The following ZNF358 variants were observed in gnomAD, a reference collection of about 807,000 sequenced individuals.
The protein encoded by ZNF358 is zinc finger protein 358.
In ZNF358, 1 loss-of-function variant was observed where a neutral mutation model predicts 2.1. That is an observed-to-expected ratio of 0.49 (90% CI 0.17 to 2.30). The LOEUF (loss-of-function observed/expected upper bound fraction) is 2.30. ZNF358 is among the 30% of genes most tolerant of loss of function. ZNF358 has a pLI of 0.26. For missense variants in ZNF358, 665 were observed against 806.8 expected (o/e 0.82, Z 2.13); for synonymous variants, 381 against 359.7 (o/e 1.06, Z -0.67).
chr19:7,519,786 C>G lies in ZNF358; in HGVS notation c.544C>G (p.Pro182Ala), dbSNP rs750409457. 7 of 1,532,586 alleles carry G rather than the reference C, an allele frequency of 4.6e-6. No homozygotes were observed. Among genetic ancestry groups the G allele is most frequent in the South Asian group, 2.4e-5 (2 of 84,388 alleles). The allele number at this position is 1,532,586 out of a possible 1,614,324, so 94.9% of individuals were successfully genotyped here. Residue 182 changes from proline (P) to alanine (A), a missense_variant, in exon 2 of 2, where the codon CCC (proline) becomes GCC (alanine). By Grantham distance (27) the Pro-to-Ala change is conservative. Around this residue, in one of 3 missense-constraint regions of ZNF358, gnomAD observed 210 missense variants for 350.8 expected, o/e 0.60. Transcript: ENST00000597229. The part of the protein sequence containing the change: ...THSGEKPYRC[P>A]DCGKSFSHGA... Reference sequence around the variant, plus strand: ...CAGCGGCGAGAAGCCGTACCGCTGCCCCGACTGCGGGAAGTCCTTCAGCCA... The same window carrying G: ...CAGCGGCGAGAAGCCGTACCGCTGCGCCGACTGCGGGAAGTCCTTCAGCCA...
At chr19:7,515,312 C>CGAG (rs143499116), upstream of ZNF358, 2,620 of 152,272 alleles carry the variant, frequency 0.017, 26 homozygotes, top group Non-Finnish European at 0.024. Context: ...AAGTTTGCCC[C>CGAG]GAGCCCTTCC....
At position 7,520,461 on chromosome 19, in the gene ZNF358, G is replaced by GC. The variant is rs545053049; in HGVS notation, c.1220dup (p.Ala408GlyfsTer34). ...GGGTGCAGCCGCTGCTGCAGCTGCC[G>GC]CGGCCGCTGCAGCTGCAGCAGCGGC... is the stretch of plus-strand genomic sequence containing the variant. On this transcript the variant is annotated frameshift_variant, in exon 2 of 2. Coordinates refer to ENST00000597229, the MANE Select transcript of ZNF358 (RefSeq NM_018083.5). LOFTEE classifies it low-confidence loss of function (END_TRUNC). This position sits in a 1 kb window ranked among gnomAD's most constrained non-coding sequence, Gnocchi z 6.0. 1 of 1,449,026 alleles carries GC rather than the reference G, an allele frequency of 6.9e-7. No homozygotes were observed. The highest frequency in any genetic ancestry group is 9.1e-7 in the Non-Finnish European group (1 of 1,096,446). The allele number at this position is 1,449,026 out of a possible 1,614,324, so 89.8% of individuals were successfully genotyped here. A position where few individuals can be genotyped will look rare whatever the true frequency, so the allele number is the denominator to read the frequency against.
At chr19:7,517,807 G>C (rs1410842918) in intron 1 of ZNF358, among the ~76,000 whole-genome samples, 2 of 152,226 alleles carry the variant, frequency 1.3e-5, no homozygotes, top group Non-Finnish European at 2.9e-5. Flanking sequence ...GGGCAAGCCA[G>C]AGTCTTCTTG....
At position 7,520,320 on chromosome 19, in the gene ZNF358, T is replaced by C; in HGVS notation, c.1078T>C (p.Ser360Pro). 1 of 1,611,892 alleles carries C rather than the reference T, an allele frequency of 6.2e-7. No homozygotes were observed. The highest frequency in any genetic ancestry group is 8.5e-7 in the Non-Finnish European group (1 of 1,179,698). ...PHCSKAFGQS[S>P]ALLQHLHVHS... ...CTGCTCCAAGGCCTTCGGCCAGAGC[T>C]CAGCGCTGCTCCAGCACCTGCACGT... The change falls in exon 2 of 2, where the codon TCA (serine) becomes CCA (proline). Residue 360 changes from serine to proline, a missense_variant. Ser to Pro is a moderately conservative substitution (Grantham distance 74). Transcript: ENST00000597229. The surrounding 1 kb of genome is among the most constrained non-coding windows in gnomAD (Gnocchi z 6.0).
intron 1 of ZNF358, among the ~76,000 whole-genome samples, chr19:7,517,505 A>G (rs1232362941): frequency 6.6e-6 from 1 of 152,106 alleles, no homozygotes; most frequent in African/African-American, 2.4e-5. Context: ...TGGGAGGATC[A>G]TTTGAGCCCA....
At chr19:7,516,036 G>C (rs1367707017), upstream of ZNF358, 1 of 150,098 alleles carries the variant, frequency 6.7e-6, no homozygotes, top group Non-Finnish European at 1.5e-5. This position sits in a 1 kb window ranked among gnomAD's most constrained non-coding sequence, Gnocchi z 5.9. Context: ...GGCAGCGATG[G>C]CGACGGCCGC....
intron 1 of ZNF358, 139 bp from the exon 2 acceptor site, chr19:7,519,063 TCAA>T: frequency 3.0e-4 from 208 of 684,440 alleles, no homozygotes; most frequent in Middle Eastern, 4.3e-4. Context: ...AGACCCCATC[TCAA>T]AAAAAAAAAA....
Position 7,520,782 on chromosome 19 carries a change from C to T in ZNF358, c.1540C>T (p.Pro514Ser). The T allele has an allele frequency of 3.7e-6, 6 of 1,611,614 alleles. No homozygotes were observed. The highest frequency in any genetic ancestry group is 4.2e-6 in the Non-Finnish European group (5 of 1,179,926). ...PDLVPSPDLDPVPSPDPDPVP... is the reference protein window; with the variant it reads ...PDLVPSPDLDSVPSPDPDPVP... The stretch of plus-strand genomic sequence containing the variant: ...CCTTGTGCCCAGCCCAGACCTTGAT[C>T]CTGTGCCCAGCCCAGACCCTGATCC... Residue 514 changes from proline (P) to serine (S), a missense_variant, in exon 2 of 2, where the codon CCT becomes TCT. Transcript: ENST00000597229. This position sits in a 1 kb window ranked among gnomAD's most constrained non-coding sequence, Gnocchi z 6.0.
Position 7,519,658 on chromosome 19 carries a change from CG to C in ZNF358, c.418del (p.Val140CysfsTer27). On this transcript the variant is annotated frameshift_variant, in exon 2 of 2. Transcript: ENST00000597229. LOFTEE classifies it low-confidence loss of function (END_TRUNC). ...ATPQVLATSPAVLPAPASPPR... is the reference protein window; with the variant it reads ...ATPQVLATSPXVLPAPASPPR... ...CCCCAGGTCTTGGCCACCAGCCCCG[CG>C]GTGCTCCCCGCCCCCGCCAGCCCGC... 1 of 1,579,442 alleles carries C rather than the reference CG, an allele frequency of 6.3e-7. No individual in the cohort carries two copies. The highest frequency in any genetic ancestry group is 1.1e-5 in the South Asian group (1 of 88,428).
rs2022352464 is a variant in ZNF358 at position 7,516,999 on chromosome 19, G to A, written c.-39+750G>A. Among the ~76,000 whole-genome samples, 1 of 152,134 alleles carries A rather than the reference G, an allele frequency of 6.6e-6. No individual in the cohort carries two copies. Among genetic ancestry groups the A allele is most frequent in the South Asian group, 2.1e-4 (1 of 4,830 alleles). ...GACCGCCGTCCAGGAACTCGGCTCT[G>A]TTTGCCTGCACACTCCCAGCTATGG... On this transcript the variant is annotated intron_variant, in intron 1 of 1. Transcript: ENST00000597229. The surrounding 1 kb of genome is among the most constrained non-coding windows in gnomAD (Gnocchi z 5.9).
chr19:7,516,288 G>T lies in ZNF358; in HGVS notation c.-39+39G>T, dbSNP rs1254106549. 1 of 138,936 alleles carries T rather than the reference G, an allele frequency of 7.2e-6. No individual in the cohort carries two copies. Among genetic ancestry groups the T allele is most frequent in the Non-Finnish European group, 1.6e-5 (1 of 62,350 alleles). The allele number at this position is 138,936 out of a possible 1,614,324, so 8.6% of individuals were successfully genotyped here. A position where few individuals can be genotyped will look rare whatever the true frequency, so the allele number is the denominator to read the frequency against. On this transcript the variant is annotated intron_variant, in intron 1 of 1. Coordinates refer to ENST00000597229, the MANE Select transcript of ZNF358 (RefSeq NM_018083.5). The surrounding 1 kb of genome is among the most constrained non-coding windows in gnomAD (Gnocchi z 5.9). ...CGAGCGGGCTGGGGCCGGGGCGGGG[G>T]GCTGGGTGGGGGGCGGGCGGGCGGG...
At position 7,520,988 on chromosome 19, in the gene ZNF358, G is replaced by A. The variant is rs1276640153; in HGVS notation, c.*39G>A. The stretch of plus-strand genomic sequence containing the variant: ...ATCCTCGGGGGCCTGGGGAAGTTGT[G>A]TGTTGTGCAGTCAGTAAAATCCTCC... On this transcript the variant is annotated 3_prime_UTR_variant, in exon 2 of 2. Transcript: ENST00000597229. The surrounding 1 kb of genome is among the most constrained non-coding windows in gnomAD (Gnocchi z 6.0). 7.5e-6 allele frequency: 12 copies of A among 1,591,374 alleles called. No homozygotes were observed. Among genetic ancestry groups the A allele is most frequent in the Non-Finnish European group, 8.6e-6 (10 of 1,167,064 alleles).
At chr19:7,518,752 C>G (rs1256110846) in intron 1 of ZNF358, among the ~76,000 whole-genome samples, 2 of 151,726 alleles carry the variant, frequency 1.3e-5, no homozygotes, top group Non-Finnish European at 2.9e-5. Flanking sequence ...GAGTGAGACC[C>G]CATCTCAAAA....
Position 7,520,461 on chromosome 19 carries a change from G to T in ZNF358, c.1219G>T (p.Ala407Ser), listed in dbSNP as rs777524653. Residue 407 changes from alanine (A) to serine (S), a missense_variant, in exon 2 of 2, where the codon GCG becomes TCG. Around this residue, in one of 3 missense-constraint regions of ZNF358, gnomAD observed 249 missense variants for 227.6 expected, o/e 1.09. Transcript: ENST00000597229. The surrounding 1 kb of genome is among the most constrained non-coding windows in gnomAD (Gnocchi z 6.0). ...GGGTGCAGCCGCTGCTGCAGCTGCC[G>T]CGGCCGCTGCAGCTGCAGCAGCGGC... ...HEGAAAAAAA[A>S]AAAAAAAAAG... 2 of 1,448,918 alleles carry T rather than the reference G, an allele frequency of 1.4e-6. No individual in the cohort carries two copies. Among genetic ancestry groups the T allele is most frequent in the Non-Finnish European group, 9.1e-7 (1 of 1,096,454 alleles). 89.8% of individuals were successfully genotyped at this position (1,448,918 alleles called of 1,614,324 possible).
At position 7,520,214 on chromosome 19, in the gene ZNF358, C is replaced by T. The variant is rs1421255264; in HGVS notation, c.972C>T (p.Cys324=). Residue 324 remains cysteine, a synonymous_variant, in exon 2 of 2, where the codon TGC becomes TGT. Coordinates refer to ENST00000597229, the MANE Select transcript of ZNF358 (RefSeq NM_018083.5). This position sits in a 1 kb window ranked among gnomAD's most constrained non-coding sequence, Gnocchi z 6.0. ...AGCGCCCCTACCGCTGCCCCCACTG[C>T]GGCAAAGCCTTCGGGCAGAGCTCCA... is the stretch of plus-strand genomic sequence containing the variant. The part of the protein sequence containing the change: ...TAERPYRCPH[C]GKAFGQSSNL... 6.2e-7 allele frequency: 1 copy of T among 1,604,504 alleles called. No individual in the cohort carries two copies. The highest frequency in any genetic ancestry group is 8.5e-7 in the Non-Finnish European group (1 of 1,179,152).
intron 1 of ZNF358, among the ~76,000 whole-genome samples, chr19:7,518,535 G>C (rs1437093283): frequency 1.0e-5 from 1 of 96,270 alleles, no homozygotes; most frequent in Non-Finnish European, 2.0e-5. Context: ...AGGAAGGAAA[G>C]AAAGAAAGAA....
chr19:7,519,233 C>G lies in ZNF358; in HGVS notation c.-10C>G, dbSNP rs138655005. ...TTGCCCCAGAAGCTGCGGGCACATC[C>G]ACGCCTGAAATGCGGCGCTCAGTCC... is the stretch of plus-strand genomic sequence containing the variant. On this transcript the variant is annotated 5_prime_UTR_variant, in exon 2 of 2. Coordinates refer to ENST00000597229, the MANE Select transcript of ZNF358 (RefSeq NM_018083.5). 7,517 of 1,610,518 alleles carry G rather than the reference C, an allele frequency of 4.7e-3. 33 individuals carry two copies. The highest frequency in any genetic ancestry group is 5.6e-3 in the Non-Finnish European group (6,554 of 1,178,262).
intron 1 of ZNF358, among the ~76,000 whole-genome samples, chr19:7,518,596 A>AG (rs1157729805): frequency 6.6e-6 from 1 of 150,704 alleles, no homozygotes; most frequent in Non-Finnish European, 1.5e-5. Context: ...AGAAAGAAAG[A>AG]AAGAATTGAA....
At chr19:7,518,590 A>AGAAAGAAAGAAAGAAAGAAG (rs2022392373) in intron 1 of ZNF358, among the ~76,000 whole-genome samples, 2 of 150,192 alleles carry the variant, frequency 1.3e-5, no homozygotes, top group South Asian at 2.1e-4. Flanking sequence ...AAAGAAAGAA[A>AGAAAGAAAGAAAGAAAGAAG]GAAAGAAAGA....
Sources: allele counts gnomAD v4.1 joint callset (sites outside exome capture counted in the v4.1 genomes callset), GRCh38; gene constraint gnomAD v4.1.1; regional missense constraint gnomAD v4.1.1; non-coding constraint Gnocchi (gnomAD v3.1); transcripts MANE v1.5; gene names NCBI Gene and HGNC (gene_info 2026-07-23, HGNC 2026-07-21).